The following RGS22 variants were observed in gnomAD, a reference collection of about 807,000 sequenced individuals.
RGS22 encodes the protein regulator of G protein signaling 22.
A neutral mutation model predicts 172.9 loss-of-function variants in RGS22; 148 were observed. That is an observed-to-expected ratio of 0.86 (90% confidence interval 0.75 to 0.98). The LOEUF is 0.98. Ranked by LOEUF, RGS22 falls within the 50% of genes least tolerant of loss-of-function variation. RGS22 has a pLI of 0.00. For synonymous variants in RGS22, 458 were observed against 480.2 expected (o/e 0.95, Z 0.60); for missense variants, 1,347 against 1,440.8 (o/e 0.93, Z 1.05).
At chr8:100,037,945 C>G (rs893820835) in intron 14 of RGS22, among the ~76,000 whole-genome samples, 3 of 152,124 alleles carry the variant, frequency 2.0e-5, no homozygotes, top group African/African-American at 7.2e-5. Context: ...GCTCTGTCAG[C>G]TGATTTACAA....
Position 99,977,941 on chromosome 8 carries a change from G to T in RGS22, c.3495C>A (p.Val1165=). 1 of 1,562,054 alleles carries T rather than the reference G, an allele frequency of 6.4e-7. No individual in the cohort carries two copies. Among genetic ancestry groups the T allele is most frequent in the Non-Finnish European group, 8.6e-7 (1 of 1,163,458 alleles). ...EYNKQKKKLA[V]LEDEKSGKDG... is the part of the protein sequence containing the mutation. Reference sequence around the variant, plus strand: ...CCTTTCCAGATTTTTCGTCTTCTAGGACTGCCAATTTTTTTTTCTGCTTAT... The same window carrying T: ...CCTTTCCAGATTTTTCGTCTTCTAGTACTGCCAATTTTTTTTTCTGCTTAT... The change falls in exon 23 of 28, where the codon GTC becomes GTA. Residue 1165 remains valine (V), a synonymous_variant. Coordinates refer to ENST00000360863, the MANE Select transcript of RGS22 (RefSeq NM_015668.5).
chr8:100,055,166 T>G (rs1405567898), intron 9 of RGS22, among the ~76,000 whole-genome samples: 2 of 152,116 alleles, frequency 1.3e-5, no homozygotes, highest in Non-Finnish European at 2.9e-5. Flanking sequence ...ACATACACAG[T>G]AGCCAGGGGG....
In RGS22 at chr8:99,982,134, T is replaced by C. The variant is rs117425404; in HGVS notation, c.3181-18A>G. The C allele has an allele frequency of 1.7e-3, 2,712 of 1,580,858 alleles. 44 individuals are homozygous for C. In the East Asian group the frequency reaches 0.036, roughly 21 times the overall value. On this transcript the variant is annotated intron_variant, in intron 21 of 27. Transcript: ENST00000360863. ...CACAAGTCCTGAACAGAAGGAAAGA[T>C]AGAATGGTATATAATTAATGCATTA...
intron 8 of RGS22, 126 bp downstream of exon 8, chr8:100,063,290 T>C (rs1324038227): frequency 6.7e-6 from 4 of 595,784 alleles, no homozygotes; most frequent in Non-Finnish European, 1.1e-5. Context: ...TTATCATTCA[T>C]TCCTCCAAGA....
At chr8:100,100,427 C>T in intron 2 of RGS22, among the ~76,000 whole-genome samples, 1 of 151,948 alleles carries the variant, frequency 6.6e-6, no homozygotes, top group Non-Finnish European at 1.5e-5. Flanking sequence ...GTAGCTGGTA[C>T]TACAGGCATG....
chr8:100,001,410 T>C (rs977157502), intron 18 of RGS22, among the ~76,000 whole-genome samples: 4 of 151,822 alleles, frequency 2.6e-5, no homozygotes, highest in Non-Finnish European at 4.4e-5. Context: ...CTAAGTTTTG[T>C]ATTTTTAGTA....
At chr8:100,056,691 G>A (rs1809646021) in intron 9 of RGS22, among the ~76,000 whole-genome samples, 1 of 152,178 alleles carries the variant, frequency 6.6e-6, no homozygotes, top group South Asian at 2.1e-4. Flanking sequence ...CAGGTGCACA[G>A]AGGTCAGGAA....
chr8:100,059,052 T>G lies in RGS22; in HGVS notation c.1514+3539A>C, dbSNP rs146887205. ...AGTTTTCTTTTTGCTTGTGTGTTTA[T>G]GCAGTGTTAAGTTCTCATCAGGTTA... On this transcript the variant is annotated intron_variant, in intron 9 of 27. Coordinates refer to ENST00000360863, the MANE Select transcript of RGS22 (RefSeq NM_015668.5). Among the ~76,000 whole-genome samples the G allele has an allele frequency of 1.2e-3, 185 of 152,286 alleles. 1 individual carries two copies. Among genetic ancestry groups the G allele is most frequent in the African/African-American group, 4.4e-3 (181 of 41,580 alleles).
intron 2 of RGS22, among the ~76,000 whole-genome samples, chr8:100,099,997 G>A (rs1410820507): frequency 6.6e-6 from 1 of 152,112 alleles, no homozygotes; most frequent in East Asian, 1.9e-4. Context: ...ACCACCAAGT[G>A]GTCATTAATT....
intron 14 of RGS22, among the ~76,000 whole-genome samples, chr8:100,035,963 T>TG (rs1819413685): frequency 6.6e-6 from 1 of 151,070 alleles, no homozygotes; most frequent in African/African-American, 2.4e-5. Context: ...TGTTGTGGAG[T>TG]GGGGGGCTGG....
chr8:99,961,242 A>T (rs1810158662), intron 27 of RGS22, 46 bp from the exon 28 acceptor site: 1 of 439,790 alleles, frequency 2.3e-6, no homozygotes, highest in Admixed American at 2.6e-5. Context: ...ATCTATAGAA[A>T]ATATAAATAC....
intron 2 of RGS22, among the ~76,000 whole-genome samples, 179 bp downstream of exon 2, chr8:100,105,195 T>C (rs1295965569): frequency 6.6e-6 from 1 of 152,218 alleles, no homozygotes; most frequent in East Asian, 1.9e-4. Context: ...GGCCCCTTCT[T>C]AAAATTATGT....
At position 100,040,106 on chromosome 8, in the gene RGS22, G is replaced by T; in HGVS notation, c.1939-19C>A. 6.2e-7 allele frequency: 1 copy of T among 1,600,950 alleles called. No individual in the cohort carries two copies. The highest frequency in any genetic ancestry group is 8.5e-7 in the Non-Finnish European group (1 of 1,175,524). On this transcript the variant is annotated intron_variant, in intron 12 of 27. Coordinates refer to ENST00000360863, the MANE Select transcript of RGS22 (RefSeq NM_015668.5). ...TTTTAACCTAGATAACAAAACAGAA[G>T]TCTATTATCCACCCAAAAACATTGT... is the stretch of plus-strand genomic sequence containing the variant.
chr8:99,993,166 A>G (rs753081458), intron 20 of RGS22, among the ~76,000 whole-genome samples: 1 of 152,242 alleles, frequency 6.6e-6, no homozygotes, highest in Non-Finnish European at 1.5e-5. Flanking sequence ...AGAAATCAGG[A>G]AAGATCTAAA....
At chr8:99,974,325 CA>C (rs1297238994) in intron 23 of RGS22, among the ~76,000 whole-genome samples, 1 of 152,042 alleles carries the variant, frequency 6.6e-6, no homozygotes, top group Admixed American at 6.6e-5. Context: ...ATTACAACAG[CA>C]TAAGCAACAG....
chr8:100,022,687 A>G (rs1208118862), intron 14 of RGS22, among the ~76,000 whole-genome samples: 1 of 152,098 alleles, frequency 6.6e-6, no homozygotes, highest in Non-Finnish European at 1.5e-5. Flanking sequence ...TTTAACTTCT[A>G]TTAATAAATA....
chr8:100,105,425 A>G (rs768845915), intron 1 of RGS22, 23 bp from the exon 2 acceptor site: 1 of 1,586,680 alleles, frequency 6.3e-7, no homozygotes, highest in Non-Finnish European at 8.7e-7. Flanking sequence ...AAAATATTAC[A>G]TTATCTCCCT....
At chr8:100,038,122 G>C (rs116274311) in intron 14 of RGS22, among the ~76,000 whole-genome samples, 1 of 152,190 alleles carries the variant, frequency 6.6e-6, no homozygotes, top group Non-Finnish European at 1.5e-5. Context: ...ATTCTGGATT[G>C]TAAGAATCAC....
chr8:100,068,978 A>G (rs949666351), intron 6 of RGS22, among the ~76,000 whole-genome samples: 17 of 151,882 alleles, frequency 1.1e-4, no homozygotes, highest in Non-Finnish European at 2.9e-5. Flanking sequence ...TAAAATCAGT[A>G]TAAGAGAGAA....
Sources: allele counts gnomAD v4.1 joint callset (sites outside exome capture counted in the v4.1 genomes callset), GRCh38; gene constraint gnomAD v4.1.1; transcripts MANE v1.5; gene names NCBI Gene and HGNC (gene_info 2026-07-23, HGNC 2026-07-21).